CEP57L1: variants seen among roughly 807,000 people sequenced by gnomAD.
The protein encoded by CEP57L1 is centrosomal protein CEP57L1.
A neutral mutation model predicts 61.0 loss-of-function variants in CEP57L1; 37 were observed. The observed-to-expected ratio is 0.61, with a 90% CI of 0.47 to 0.80. The LOEUF is 0.80. CEP57L1 is among the 30% of genes least tolerant of loss of function. CEP57L1 has a pLI of 0.00. For synonymous variants in CEP57L1, 137 were observed against 162.3 expected (o/e 0.84, Z 1.19); for missense variants, 422 against 524.7 (o/e 0.80, Z 1.91).
At chr6:109,149,658 A>G (rs1772372118) in intron 3 of CEP57L1, among the ~76,000 whole-genome samples, 1 of 152,092 alleles carries the variant, frequency 6.6e-6, no homozygotes, top group Admixed American at 6.5e-5. Context: ...CTGTGAAGAA[A>G]GTCATTGGTA....
chr6:109,120,912 GCACACACA>G (rs71747421), intron 1 of CEP57L1, among the ~76,000 whole-genome samples: 17,047 of 133,328 alleles, frequency 0.13, 1,270 homozygotes, highest in East Asian at 0.29. Flanking sequence ...TTAGACACAC[GCACACACA>G]CACACACACA....
intron 1 of CEP57L1, among the ~76,000 whole-genome samples, chr6:109,121,577 A>G (rs1048483452): frequency 2.0e-5 from 3 of 152,176 alleles, no homozygotes; most frequent in African/African-American, 7.2e-5. Context: ...AGGATTGTAA[A>G]TCATCATCTT....
At chr6:109,145,100 A>G (rs1024389827) in intron 1 of CEP57L1, 119 bp from the exon 2 acceptor site, 16 of 558,178 alleles carry the variant, frequency 2.9e-5, no homozygotes, top group African/African-American at 2.1e-4. Flanking sequence ...TTAAGTTCAT[A>G]AAGATACAAC....
At chr6:109,147,538 T>C (rs1178909965) in intron 3 of CEP57L1, among the ~76,000 whole-genome samples, 1 of 152,160 alleles carries the variant, frequency 6.6e-6, no homozygotes, top group African/African-American at 2.4e-5. Context: ...CTCATCCTCA[T>C]AAACAAGGCT....
chr6:109,148,393 T>G (rs1772207128), intron 3 of CEP57L1, among the ~76,000 whole-genome samples: 1 of 152,100 alleles, frequency 6.6e-6, no homozygotes, highest in South Asian at 2.1e-4. Flanking sequence ...CTTGCGATAG[T>G]TTACTGAGAA....
rs549062762 is a variant in CEP57L1 at position 109,096,171 on chromosome 6, T to A, written c.-4+596T>A. ...AATTAGTTTGCTTTTAAAAAGTTAT[T>A]ATTTGAGAAAAGTCGAGGTTTGAAC... is the stretch of plus-strand genomic sequence containing the variant. On this transcript the variant is annotated intron_variant, in intron 1 of 10. Coordinates refer to ENST00000517392, the MANE Select transcript of CEP57L1 (RefSeq NM_001271852.3). 2.7e-3 allele frequency among the ~76,000 whole-genome samples: 409 copies of A among 152,250 alleles called. 2 individuals carry two copies. The highest frequency in any genetic ancestry group is 4.5e-3 in the Non-Finnish European group (304 of 68,030).
Position 109,166,465 on chromosome 6 carries a change from C to A in CEP57L1, c.*3495C>A, listed in dbSNP as rs1420471557. Among the ~76,000 whole-genome samples the A allele has an allele frequency of 2.7e-5, 4 of 150,910 alleles. No individual in the cohort carries two copies. Among genetic ancestry groups the A allele is most frequent in the Non-Finnish European group, 5.9e-5 (4 of 67,892 alleles). On this transcript the variant is annotated 3_prime_UTR_variant, in exon 11 of 11. Coordinates refer to ENST00000517392, the MANE Select transcript of CEP57L1 (RefSeq NM_001271852.3). The stretch of plus-strand genomic sequence containing the variant: ...GTGGCACGATCTCAGCTCACTGCAA[C>A]CTCCACCTCTCAGGTTCAAGCTATT...
At chr6:109,123,525 G>C (rs546490354) in intron 1 of CEP57L1, among the ~76,000 whole-genome samples, 28 of 152,292 alleles carry the variant, frequency 1.8e-4, no homozygotes, top group African/African-American at 6.7e-4. Context: ...CATGTAGCAA[G>C]CTCAATATAA....
intron 1 of CEP57L1, among the ~76,000 whole-genome samples, chr6:109,099,370 T>G (rs1782095216): frequency 6.6e-6 from 1 of 151,784 alleles, no homozygotes; most frequent in Non-Finnish European, 1.5e-5. Context: ...AAGAAAGTAA[T>G]TAAGGAGGAA....
rs1562121091 is a variant in CEP57L1 at position 109,146,917 on chromosome 6, A to C, written c.320A>C (p.Glu107Ala). The C allele has an allele frequency of 6.2e-7, 1 of 1,606,842 alleles. No homozygotes were observed. Among genetic ancestry groups the C allele is most frequent in the Non-Finnish European group, 8.5e-7 (1 of 1,177,628 alleles). Residue 107 changes from glutamate to alanine, a missense_variant, in exon 3 of 11, where the codon GAG (glutamate) becomes GCG (alanine). By Grantham distance (107) the Glu-to-Ala change is moderately radical. Coordinates refer to ENST00000517392, the MANE Select transcript of CEP57L1 (RefSeq NM_001271852.3). ...AATGAGAGAAATCTGGCACACCAGG[A>C]GCTGATAAAGCAGAAAAAAGGTAAG... The part of the protein sequence containing the change: ...ETNERNLAHQ[E>A]LIKQKKDISI...
rs140845425 is a variant in CEP57L1, at chr6:109,135,734, C to T, written c.-3-9485C>T. On this transcript the variant is annotated intron_variant, in intron 1 of 10. Coordinates refer to ENST00000517392, the MANE Select transcript of CEP57L1 (RefSeq NM_001271852.3). ...AATTTACAAGAAAAAAACAAACAGC[C>T]GCATCAACAAGTGGGCAAAGGATAT... Among the ~76,000 whole-genome samples, 429 of 152,144 alleles carry T rather than the reference C, an allele frequency of 2.8e-3. 2 individuals are homozygous for T. Among genetic ancestry groups the T allele is most frequent in the East Asian group, 8.3e-3 (43 of 5,170 alleles).
intron 1 of CEP57L1, chr6:109,130,818 G>A (rs1442034437): frequency 2.6e-5 from 4 of 151,964 alleles, no homozygotes; most frequent in Non-Finnish European, 5.9e-5. Context: ...GGCACATGGT[G>A]GCCTTCTACC....
Position 109,140,168 on chromosome 6 carries a change from C to T in CEP57L1, c.-3-5051C>T, listed in dbSNP as rs1771189931. Reference sequence around the variant, plus strand: ...AGTGCAGTGACTTGATCTCGGCTCACTGCAACCTCCGCCTTCCGGGTTCAA... The same window carrying T: ...AGTGCAGTGACTTGATCTCGGCTCATTGCAACCTCCGCCTTCCGGGTTCAA... On this transcript the variant is annotated intron_variant, in intron 1 of 10. Coordinates refer to ENST00000517392, the MANE Select transcript of CEP57L1 (RefSeq NM_001271852.3). Among the ~76,000 whole-genome samples the T allele has an allele frequency of 2.0e-5, 3 of 152,096 alleles. No homozygotes were observed. The South Asian group carries it at 6.2e-4, about 31-fold the overall frequency.
Position 109,171,305 on chromosome 6 carries a change from C to T in CEP57L1, c.*8335C>T, listed in dbSNP as rs1774393845. ...CCAAGCTGGAGTGCAATGGCGCGAT[C>T]TCAGCTCACTGCAACCTCCGCCTCC... On this transcript the variant is annotated 3_prime_UTR_variant, in exon 11 of 11. Coordinates refer to ENST00000517392, the MANE Select transcript of CEP57L1 (RefSeq NM_001271852.3). 6.6e-6 allele frequency among the ~76,000 whole-genome samples: 1 copy of T among 150,864 alleles called. No individual in the cohort carries two copies. Among genetic ancestry groups the T allele is most frequent in the African/African-American group, 2.4e-5 (1 of 40,914 alleles).
intron 1 of CEP57L1, chr6:109,129,334 T>TA: frequency 8.6e-7 from 1 of 1,158,338 alleles, no homozygotes; most frequent in Non-Finnish European, 1.1e-6. Flanking sequence ...CACTTGGATA[T>TA]AATAATATAG....
In CEP57L1 at chr6:109,174,280, C is replaced by T. The variant is rs1282142031; in HGVS notation, c.*11310C>T. Among the ~76,000 whole-genome samples the T allele has an allele frequency of 6.6e-6, 1 of 152,120 alleles. No individual in the cohort carries two copies. Among genetic ancestry groups the T allele is most frequent in the Non-Finnish European group, 1.5e-5 (1 of 68,020 alleles). On this transcript the variant is annotated 3_prime_UTR_variant, in exon 11 of 11. Coordinates refer to ENST00000517392, the MANE Select transcript of CEP57L1 (RefSeq NM_001271852.3). The stretch of plus-strand genomic sequence containing the variant: ...ATTTCTTGCAGAGGTCATAATGTTC[C>T]AGACAAGCTGGCAGCAATCATTCCC...
At chr6:109,113,532 G>A (rs1275452624) in intron 1 of CEP57L1, among the ~76,000 whole-genome samples, 1 of 152,022 alleles carries the variant, frequency 6.6e-6, no homozygotes, top group Non-Finnish European at 1.5e-5. Context: ...CTATTTAATA[G>A]CATCAGAAAA....
rs751539209 is a variant in CEP57L1 at position 109,171,242 on chromosome 6, A to ATTTTTTTTT, written c.*8277_*8285dup. ...AAATAATGCCACAAAGTAGAGTTTG[A>ATTTTTTTTT]TTTTTTTTTTTTTGAGACGGAGTTT... On this transcript the variant is annotated 3_prime_UTR_variant, in exon 11 of 11. Transcript: ENST00000517392. Among the ~76,000 whole-genome samples, 2 of 143,464 alleles carry ATTTTTTTTT rather than the reference A, an allele frequency of 1.4e-5. No homozygotes were observed. Among genetic ancestry groups the ATTTTTTTTT allele is most frequent in the Non-Finnish European group, 1.5e-5 (1 of 65,460 alleles). The allele number at this position is 143,464 out of a possible 152,430, so 94.1% of individuals were successfully genotyped here.
rs533059307 is a variant in CEP57L1, at chr6:109,155,281, A to C, written c.631A>C (p.Lys211Gln). ...ACTTAAGGAAGAAGAACATCAGCGT[A>C]AGCTATTTCAAGACAAAGCTTCTGA... ...EKLKEEEHQRKLFQDKASELQ... is the reference protein window; with the variant it reads ...EKLKEEEHQRQLFQDKASELQ... Residue 211 changes from lysine to glutamine, a missense_variant, in exon 6 of 11, where the codon AAG becomes CAG. By Grantham distance (53) the Lys-to-Gln change is moderately conservative. Transcript: ENST00000517392. The C allele has an allele frequency of 1.3e-6, 2 of 1,593,978 alleles. No homozygotes were observed. Among genetic ancestry groups the C allele is most frequent in the South Asian group, 2.3e-5 (2 of 87,836 alleles).
Sources: gnomAD v4.1 joint callset for allele counts (sites outside exome capture counted in the v4.1 genomes callset) on GRCh38, gnomAD v4.1.1 for gene constraint, MANE v1.5 for transcripts, NCBI Gene and HGNC (gene_info 2026-07-23, HGNC 2026-07-21) for gene names.